The following KCNIP4 variants were observed in gnomAD, a reference collection of about 807,000 sequenced individuals.
KCNIP4 encodes Kv channel-interacting protein 4.
Under a neutral mutation model 34.0 loss-of-function variants are expected in KCNIP4, and 12 were observed. The observed-to-expected ratio is 0.35, with a 90% CI of 0.23 to 0.57. The LOEUF is 0.57. Among genes scored for constraint, KCNIP4 ranks in the 20% least tolerant of loss-of-function variants. The probability of loss-of-function intolerance (pLI) is 0.83; values close to 1 mark genes in which losing one functional copy is unlikely to be tolerated. For synonymous variants in KCNIP4, 124 were observed against 102.2 expected, an observed-to-expected ratio of 1.21 and a Z score of -1.29; for missense variants, 238 against 311.7, an observed-to-expected ratio of 0.76 and a Z score of 1.78.
chr4:21,176,086 C>T lies in KCNIP4; in HGVS notation c.62-293377G>A, dbSNP rs184251160. ...TGAGGCAATTTCTTTTACACTGGCC[C>T]AAAGTCACTGAATTAGACAAGGTAA... On this transcript the variant is annotated intron_variant, in intron 1 of 8. Coordinates refer to ENST00000382152, the MANE Select transcript of KCNIP4 (RefSeq NM_025221.6). Among the ~76,000 whole-genome samples the T allele has an allele frequency of 3.9e-5, 6 of 152,284 alleles. No homozygotes were observed. The East Asian group carries it at 1.2e-3, about 29-fold the overall frequency.
At chr4:20,968,230 C>A (rs1174481357) in intron 1 of KCNIP4, among the ~76,000 whole-genome samples, 3 of 152,082 alleles carry the variant, frequency 2.0e-5, no homozygotes, top group African/African-American at 7.2e-5. Flanking sequence ...CAATGAGATA[C>A]CATCTCACAC....
At chr4:21,400,345 G>A (rs1342671136) in intron 1 of KCNIP4, among the ~76,000 whole-genome samples, 7 of 142,048 alleles carry the variant, frequency 4.9e-5, no homozygotes, top group African/African-American at 2.1e-4. Context: ...GGGGGGAAAG[G>A]CCAACTCTGA....
chr4:21,376,264 C>T (rs867639111), intron 1 of KCNIP4, among the ~76,000 whole-genome samples: 6 of 152,152 alleles, frequency 3.9e-5, no homozygotes, highest in Admixed American at 6.6e-5. Flanking sequence ...CAAAGTGTAA[C>T]GCATTAGTTT....
chr4:21,131,690 G>T (rs767870459), intron 1 of KCNIP4, among the ~76,000 whole-genome samples: 1 of 152,160 alleles, frequency 6.6e-6, no homozygotes, highest in Non-Finnish European at 1.5e-5. Context: ...TGGATTCTGG[G>T]GTGCTGGTTG....
chr4:21,347,620 C>T (rs952582510), intron 1 of KCNIP4, among the ~76,000 whole-genome samples: 13 of 152,194 alleles, frequency 8.5e-5, no homozygotes, highest in Admixed American at 1.3e-4. Context: ...CTATATCCAA[C>T]GCTCTAACAG....
intron 1 of KCNIP4, among the ~76,000 whole-genome samples, chr4:20,894,160 C>T (rs559472803): frequency 2.0e-5 from 3 of 152,244 alleles, no homozygotes; most frequent in East Asian, 1.9e-4. Flanking sequence ...GGATTACAGG[C>T]GTGAGCCACC....
At chr4:21,610,175 A>C (rs1744035051) in intron 1 of KCNIP4, among the ~76,000 whole-genome samples, 1 of 152,250 alleles carries the variant, frequency 6.6e-6, no homozygotes, top group South Asian at 2.1e-4. Flanking sequence ...CTGTAACAAA[A>C]CACTACAGAG....
At chr4:20,955,718 T>A (rs1733230336) in intron 1 of KCNIP4, among the ~76,000 whole-genome samples, 1 of 152,184 alleles carries the variant, frequency 6.6e-6, no homozygotes, top group African/African-American at 2.4e-5. Flanking sequence ...ATTTCTGAGA[T>A]ACAAACCTTA....
intron 1 of KCNIP4, among the ~76,000 whole-genome samples, chr4:21,270,315 C>T (rs1762064629): frequency 1.3e-5 from 2 of 152,096 alleles, no homozygotes; most frequent in Non-Finnish European, 2.9e-5. Context: ...TTGGGCCTAC[C>T]CTCAGCTGCC....
chr4:21,154,715 A>G (rs966911351), intron 1 of KCNIP4, among the ~76,000 whole-genome samples: 73 of 152,198 alleles, frequency 4.8e-4, no homozygotes, highest in Admixed American at 4.6e-3. Context: ...AATTTAATCT[A>G]TGGTATGTTA....
At chr4:21,046,208 G>T (rs1742407034) in intron 1 of KCNIP4, among the ~76,000 whole-genome samples, 2 of 152,174 alleles carry the variant, frequency 1.3e-5, no homozygotes, top group South Asian at 2.1e-4. Context: ...ACTGCTGTTT[G>T]GTTTGGGCCA....
At chr4:21,896,308 C>T (rs1727381974) in intron 1 of KCNIP4, among the ~76,000 whole-genome samples, 1 of 152,130 alleles carries the variant, frequency 6.6e-6, no homozygotes, top group Admixed American at 6.6e-5. Flanking sequence ...TTGTTATACA[C>T]ACCTAAAGGA....
chr4:21,309,363 C>A (rs1278427483), intron 1 of KCNIP4, among the ~76,000 whole-genome samples: 2 of 151,176 alleles, frequency 1.3e-5, no homozygotes. Flanking sequence ...CTATATAAGC[C>A]AGTATGAGTA....
rs983687539 is a variant in KCNIP4 at position 20,870,596 on chromosome 4, T to G, written c.163+12012A>C. Among the ~76,000 whole-genome samples the G allele has an allele frequency of 5.3e-5, 8 of 152,250 alleles. No individual in the cohort carries two copies. In the South Asian group the frequency reaches 1.7e-3, roughly 32 times the overall value. On this transcript the variant is annotated intron_variant, in intron 2 of 8. Transcript: ENST00000382152. The stretch of plus-strand genomic sequence containing the variant: ...CCCAGCTGCTTCATTTTGCAGGCAC[T>G]TCTTGCTGTTGAATTGCTAATTGTG...
At chr4:21,272,911 T>C (rs1762237760) in intron 1 of KCNIP4, among the ~76,000 whole-genome samples, 1 of 152,174 alleles carries the variant, frequency 6.6e-6, no homozygotes, top group Non-Finnish European at 1.5e-5. Context: ...GTTGAAGCAA[T>C]TCTTTCTTCC....
intron 1 of KCNIP4, among the ~76,000 whole-genome samples, chr4:21,064,164 A>G (rs184783910): frequency 2.0e-4 from 30 of 152,292 alleles, no homozygotes; most frequent in Admixed American, 1.8e-3. Context: ...ATTTACTTTC[A>G]TATTACTGCT....
At chr4:21,393,554 G>A (rs1031313369) in intron 1 of KCNIP4, among the ~76,000 whole-genome samples, 5 of 152,132 alleles carry the variant, frequency 3.3e-5, no homozygotes, top group African/African-American at 1.2e-4. Context: ...AAGGATTTCA[G>A]TATCTCAGAC....
chr4:21,946,283 TCA>T (rs201374476), intron 1 of KCNIP4, among the ~76,000 whole-genome samples: 1,915 of 152,154 alleles, frequency 0.013, 33 homozygotes, highest in African/African-American at 0.044. Flanking sequence ...TACATTTCTC[TCA>T]GTTAGATCTT....
chr4:21,755,026 A>C (rs2109151983), intron 1 of KCNIP4, among the ~76,000 whole-genome samples: 1 of 152,302 alleles, frequency 6.6e-6, no homozygotes. Flanking sequence ...GTGTGCCTGT[A>C]ATCCCAGCTA....
Sources: allele counts gnomAD v4.1 joint callset (sites outside exome capture counted in the v4.1 genomes callset), GRCh38; gene constraint gnomAD v4.1.1; transcripts MANE v1.5; gene names NCBI Gene and HGNC (gene_info 2026-07-23, HGNC 2026-07-21).